The following TNFRSF25 variants were observed in gnomAD, a reference collection of about 807,000 sequenced individuals.
TNFRSF25 encodes TNF receptor superfamily member 25, also known as tumor necrosis factor receptor superfamily member 25.
A neutral mutation model predicts 49.4 loss-of-function variants in TNFRSF25; 28 were observed. The ratio of observed to expected loss-of-function variants is 0.57; its 90% CI spans 0.42 to 0.78. TNFRSF25 has a LOEUF of 0.78. Among genes scored for constraint, TNFRSF25 ranks in the 30% least tolerant of loss-of-function variants. The pLI is 0.00. For synonymous variants in TNFRSF25, 240 were observed against 234.2 expected (o/e 1.02, Z -0.23); for missense variants, 531 against 581.6 (o/e 0.91, Z 0.90).
Position 6,464,536 on chromosome 1 carries a change from G to A in TNFRSF25, c.463+16C>T, listed in dbSNP as rs45558632. 5.5e-5 allele frequency: 88 copies of A among 1,613,924 alleles called. No homozygotes were observed. The African/African-American group carries it at 9.5e-4, about 17-fold the overall frequency. ...AGGGGGTCTGGGAGTAGAGAGCCCT[G>A]GGTGGGGGTACTCACAGAGTAGCCG... On this transcript the variant is annotated intron_variant, in intron 4 of 9. Coordinates refer to ENST00000356876, the MANE Select transcript of TNFRSF25 (RefSeq NM_003790.3).
At chr1:6,464,882 G>A (rs974207353) in intron 3 of TNFRSF25, among the ~76,000 whole-genome samples, 163 bp from the exon 4 acceptor site, 15 of 152,180 alleles carry the variant, frequency 9.9e-5, no homozygotes, top group Non-Finnish European at 1.9e-4. Flanking sequence ...GATTAAGGCC[G>A]ACCAGAGGCC....
chr1:6,462,514 C>A lies in TNFRSF25; in HGVS notation c.744+115G>T. On this transcript the variant is annotated intron_variant, in intron 8 of 9. Transcript: ENST00000356876. This position sits in a 1 kb window ranked among gnomAD's most constrained non-coding sequence, Gnocchi z 4.2. The stretch of plus-strand genomic sequence containing the variant: ...TCCACTGATGACTCTGCTCCCAACA[C>A]CTCTGTCCACTAGGGCTACCCGGTG... The A allele has an allele frequency of 6.5e-7, 1 of 1,537,706 alleles. No individual in the cohort carries two copies. The highest frequency in any genetic ancestry group is 1.3e-5 in the South Asian group (1 of 77,666).
rs1273107048 is a variant in TNFRSF25 at position 6,461,629 on chromosome 1, C to A, written c.1059G>T (p.Thr353=). The change falls in exon 10 of 10, where the codon ACG becomes ACT. Residue 353 remains threonine, a synonymous_variant. Transcript: ENST00000356876. The surrounding 1 kb of genome is among the most constrained non-coding windows in gnomAD (Gnocchi z 6.3). ...CGATCTCTGCCTCGCGCAGCCCCAG[C>A]GTGCGCACGAACTCCTTCCAGCGCC... ...PARRWKEFVR[T]LGLREAEIEA... The A allele has an allele frequency of 3.7e-6, 6 of 1,608,364 alleles. No homozygotes were observed. The Middle Eastern group carries it at 5.2e-4, about 139-fold the overall frequency.
intron 5 of TNFRSF25, chr1:6,464,143 G>T (rs1358250143): frequency 2.9e-6 from 4 of 1,399,098 alleles, no homozygotes; most frequent in Non-Finnish European, 3.7e-6. Context: ...TCGCTGGGGG[G>T]AATGCTGGCT....
Position 6,462,310 on chromosome 1 carries a change from T to C in TNFRSF25, c.745-136A>G. The C allele has an allele frequency of 8.0e-7, 1 of 1,251,600 alleles. No homozygotes were observed. The highest frequency in any genetic ancestry group is 1.1e-6 in the Non-Finnish European group (1 of 921,326). The allele number at this position is 1,251,600 out of a possible 1,614,324, so 77.5% of individuals were successfully genotyped here. A position where few individuals can be genotyped will look rare whatever the true frequency, so the allele number is the denominator to read the frequency against. On this transcript the variant is annotated intron_variant, in intron 8 of 9. Coordinates refer to ENST00000356876, the MANE Select transcript of TNFRSF25 (RefSeq NM_003790.3). The surrounding 1 kb of genome is among the most constrained non-coding windows in gnomAD (Gnocchi z 4.2). ...CAATGACACCTCCCACAGTTGGCCC[T>C]GCTCTCACTGTAGCCCAGCAGAACT...
At chr1:6,463,967 A>AT (rs1485829669) in intron 5 of TNFRSF25, 1 of 202,778 alleles carries the variant, frequency 4.9e-6, no homozygotes, top group Non-Finnish European at 8.7e-6. Context: ...TAATAGATTT[A>AT]ATATTTATTT....
At chr1:6,465,890 A>T in intron 1 of TNFRSF25, 179 bp downstream of exon 1, 1 of 1,421,960 alleles carries the variant, frequency 7.0e-7, no homozygotes, top group Non-Finnish European at 9.2e-7. Flanking sequence ...CCCTCCTGGG[A>T]GGGGTTTCCT....
rs753439629 is a variant in TNFRSF25 at position 6,462,589 on chromosome 1, C to T, written c.744+40G>A. 2.5e-6 allele frequency: 4 copies of T among 1,601,260 alleles called. No homozygotes were observed. The highest frequency in any genetic ancestry group is 3.4e-6 in the Non-Finnish European group (4 of 1,174,560). On this transcript the variant is annotated intron_variant, in intron 8 of 9. Transcript: ENST00000356876. This position sits in a 1 kb window ranked among gnomAD's most constrained non-coding sequence, Gnocchi z 4.2. ...ATCATAGTAAGGCTTGATCTTCCAG[C>T]TCCAGAAGGCAGCCCAGAATCACAC...
At position 6,462,249 on chromosome 1, in the gene TNFRSF25, G is replaced by C; in HGVS notation, c.745-75C>G. The C allele has an allele frequency of 4.6e-6, 7 of 1,518,666 alleles. No individual in the cohort carries two copies. Among genetic ancestry groups the C allele is most frequent in the Non-Finnish European group, 6.2e-6 (7 of 1,131,040 alleles). 94.1% of individuals were successfully genotyped at this position (1,518,666 alleles called of 1,614,324 possible). On this transcript the variant is annotated intron_variant, in intron 8 of 9. Transcript: ENST00000356876. This position sits in a 1 kb window ranked among gnomAD's most constrained non-coding sequence, Gnocchi z 4.2. ...CCTTACCCGCAGTGCCTCTCCAGGA[G>C]GGGACAGTCCCTGGTTCAGTCAGCA...
chr1:6,461,401 A>G lies in TNFRSF25; in HGVS notation c.*33T>C. 6.8e-7 allele frequency: 1 copy of G among 1,478,622 alleles called. No homozygotes were observed. The highest frequency in any genetic ancestry group is 1.4e-5 in the African/African-American group (1 of 70,924). The allele number at this position is 1,478,622 out of a possible 1,614,324, so 91.6% of individuals were successfully genotyped here. ...CGTACTTAGGGCTTCTGCAAGGGCCACCAGAGCGCCTAGGTGGCAAGTGGG... is the reference window on the plus strand; with the variant it reads ...CGTACTTAGGGCTTCTGCAAGGGCCGCCAGAGCGCCTAGGTGGCAAGTGGG... On this transcript the variant is annotated 3_prime_UTR_variant, in exon 10 of 10. Coordinates refer to ENST00000356876, the MANE Select transcript of TNFRSF25 (RefSeq NM_003790.3). The surrounding 1 kb of genome is among the most constrained non-coding windows in gnomAD (Gnocchi z 6.3).
In TNFRSF25 at chr1:6,464,681, C is replaced by T. The variant is rs768483594; in HGVS notation, c.334G>A (p.Asp112Asn). 3.2e-5 allele frequency: 52 copies of T among 1,613,832 alleles called. No individual in the cohort carries two copies. The highest frequency in any genetic ancestry group is 6.7e-5 in the East Asian group (3 of 44,890). ...CCTGGCTTACAGCCACAGCGGGTGT[C>T]GGCCACTGCTGAACAGTTCTCCAGC... ...VALENCSAVA[D>N]TRCGCKPGWF... The change falls in exon 4 of 10, where the codon GAC becomes AAC. Residue 112 changes from aspartate to asparagine, a missense_variant. Asp to Asn is a conservative substitution (Grantham distance 23, BLOSUM62 1). Transcript: ENST00000356876.
In TNFRSF25 at chr1:6,461,614, C is replaced by T. The variant is rs559937409; in HGVS notation, c.1074G>A (p.Glu358=). Residue 358 remains glutamate, a synonymous_variant, in exon 10 of 10, where the codon GAG becomes GAA. Transcript: ENST00000356876. This position sits in a 1 kb window ranked among gnomAD's most constrained non-coding sequence, Gnocchi z 6.3. ...KEFVRTLGLR[E]AEIEAVEVEI... Reference sequence around the variant, plus strand: ...CCACCTCCACGGCTTCGATCTCTGCCTCGCGCAGCCCCAGCGTGCGCACGA... The same window carrying T: ...CCACCTCCACGGCTTCGATCTCTGCTTCGCGCAGCCCCAGCGTGCGCACGA... The T allele has an allele frequency of 5.6e-6, 9 of 1,609,636 alleles. No individual in the cohort carries two copies. The Admixed American group carries it at 6.7e-5, about 12-fold the overall frequency.
intron 1 of TNFRSF25, 150 bp from the exon 2 acceptor site, chr1:6,465,710 G>C (rs1644337840): frequency 3.5e-6 from 5 of 1,440,666 alleles, no homozygotes; most frequent in African/African-American, 1.4e-5. Context: ...TGGGTGGAGA[G>C]GAAACTAACT....
chr1:6,462,721 G>A lies in TNFRSF25; in HGVS notation c.707-55C>T, dbSNP rs1401769890. 2.5e-6 allele frequency: 4 copies of A among 1,604,004 alleles called. No individual in the cohort carries two copies. Among genetic ancestry groups the A allele is most frequent in the African/African-American group, 2.7e-5 (2 of 74,704 alleles). On this transcript the variant is annotated intron_variant, in intron 7 of 9. Coordinates refer to ENST00000356876, the MANE Select transcript of TNFRSF25 (RefSeq NM_003790.3). This position sits in a 1 kb window ranked among gnomAD's most constrained non-coding sequence, Gnocchi z 4.2. ...CACCAGGCAAGCCTCCTGGACCTGG[G>A]TGCTGGTACAGCTCCTCTAGGGTTC...
At position 6,461,227 on chromosome 1, in the gene TNFRSF25, T is replaced by C; in HGVS notation, c.*207A>G. 1 of 738,794 alleles carries C rather than the reference T, an allele frequency of 1.4e-6. No individual in the cohort carries two copies. 45.8% of individuals were successfully genotyped at this position (738,794 alleles called of 1,614,324 possible). ...AAACTCCGGCCGAGAAGTTGAGAAA[T>C]GTCTTCACCCCCTCTCGACATTCGT... On this transcript the variant is annotated 3_prime_UTR_variant, in exon 10 of 10. Transcript: ENST00000356876. This position sits in a 1 kb window ranked among gnomAD's most constrained non-coding sequence, Gnocchi z 6.3.
chr1:6,462,835 G>T lies in TNFRSF25; in HGVS notation c.706+28C>A. On this transcript the variant is annotated intron_variant, in intron 7 of 9. Coordinates refer to ENST00000356876, the MANE Select transcript of TNFRSF25 (RefSeq NM_003790.3). This position sits in a 1 kb window ranked among gnomAD's most constrained non-coding sequence, Gnocchi z 4.2. ...CTACCCATCCTGACCCCAGGCTTCT[G>T]GGTGCGTGTGTGGGTGTGTGTACTT... 1 of 1,588,386 alleles carries T rather than the reference G, an allele frequency of 6.3e-7. No individual in the cohort carries two copies. The highest frequency in any genetic ancestry group is 8.6e-7 in the Non-Finnish European group (1 of 1,165,550).
In TNFRSF25 at chr1:6,460,917, C is replaced by G. The variant is rs377612111; in HGVS notation, c.*517G>C. 1.3e-4 allele frequency: 47 copies of G among 350,206 alleles called. No individual in the cohort carries two copies. The highest frequency in any genetic ancestry group is 9.6e-4 in the African/African-American group (44 of 46,036). The allele number at this position is 350,206 out of a possible 1,614,324, so 21.7% of individuals were successfully genotyped here. ...CCGCCACCTCGCAGCCCCATTAAAG[C>G]GCTCTCATCTGGGCTCCGGTTCACT... On this transcript the variant is annotated 3_prime_UTR_variant, in exon 10 of 10. Coordinates refer to ENST00000356876, the MANE Select transcript of TNFRSF25 (RefSeq NM_003790.3).
In TNFRSF25 at chr1:6,461,298, G is replaced by A. The variant is rs1644164499; in HGVS notation, c.*136C>T. On this transcript the variant is annotated 3_prime_UTR_variant, in exon 10 of 10. Transcript: ENST00000356876. This position sits in a 1 kb window ranked among gnomAD's most constrained non-coding sequence, Gnocchi z 6.3. The stretch of plus-strand genomic sequence containing the variant: ...TGGAGCGATAGGGGCGAGCAGGGGT[G>A]GGGCCGGCTGGTGCTGCTACGCAGG... 2.6e-6 allele frequency: 3 copies of A among 1,137,916 alleles called. No individual in the cohort carries two copies. Among genetic ancestry groups the A allele is most frequent in the South Asian group, 2.7e-5 (2 of 74,354 alleles). The allele number at this position is 1,137,916 out of a possible 1,614,324, so 70.5% of individuals were successfully genotyped here.
Position 6,461,842 on chromosome 1 carries a change from C to T in TNFRSF25, c.926-80G>A. ...AGAGTCAGGGGCGTTCGTGCGGGTA[C>T]CCCAGGGCTGAAGCCCGCTGGATCC... On this transcript the variant is annotated intron_variant, in intron 9 of 9. Transcript: ENST00000356876. This position sits in a 1 kb window ranked among gnomAD's most constrained non-coding sequence, Gnocchi z 6.3. 1.4e-6 allele frequency: 2 copies of T among 1,454,198 alleles called. No individual in the cohort carries two copies. The highest frequency in any genetic ancestry group is 1.8e-6 in the Non-Finnish European group (2 of 1,104,778). The allele number at this position is 1,454,198 out of a possible 1,614,324, so 90.1% of individuals were successfully genotyped here.
Sources: allele counts gnomAD v4.1 joint callset (sites outside exome capture counted in the v4.1 genomes callset), GRCh38; gene constraint gnomAD v4.1.1; non-coding constraint Gnocchi (gnomAD v3.1); transcripts MANE v1.5; gene names NCBI Gene and HGNC (gene_info 2026-07-23, HGNC 2026-07-21).